The following CTNNA3 variants were observed in gnomAD, a reference collection of about 807,000 sequenced individuals.
CTNNA3 encodes the protein catenin alpha-3.
In CTNNA3, 76 loss-of-function variants were observed where a neutral mutation model predicts 95.7. That is an observed-to-expected ratio of 0.79 (90% CI 0.66 to 0.96). The LOEUF (loss-of-function observed/expected upper bound fraction) is 0.96, where lower values mean the gene tolerates loss of function less well. Ranked by LOEUF, CTNNA3 falls within the 40% of genes least tolerant of loss-of-function variation. The pLI is 0.00. For missense variants in CTNNA3, 1,191 were observed against 1,089.8 expected, an observed-to-expected ratio of 1.09 and a Z score of -1.31; for synonymous variants, 431 against 374.4, an observed-to-expected ratio of 1.15 and a Z score of -1.74.
chr10:67,522,032 C>A lies in CTNNA3; in HGVS notation c.460-71G>T. ...TTCTCAAATTCTCAACTTGCTAACA[C>A]GAAGAGTCGATAATGAGCCTCAGTT... On this transcript the variant is annotated intron_variant, in intron 4 of 17. Coordinates refer to ENST00000433211, the MANE Select transcript of CTNNA3 (RefSeq NM_013266.4). 4 of 1,483,782 alleles carry A rather than the reference C, an allele frequency of 2.7e-6. No homozygotes were observed. In the South Asian group the frequency reaches 5.0e-5, roughly 19 times the overall value. 91.9% of individuals were successfully genotyped at this position (1,483,782 alleles called of 1,614,324 possible).
In CTNNA3 at chr10:66,279,669, T is replaced by A. The variant is rs1375251140; in HGVS notation, c.1884+801A>T. Among the ~76,000 whole-genome samples, 5 of 152,030 alleles carry A rather than the reference T, an allele frequency of 3.3e-5. No homozygotes were observed. The East Asian group carries it at 7.7e-4, about 24-fold the overall frequency. On this transcript the variant is annotated intron_variant, in intron 13 of 17. Transcript: ENST00000433211. Reference sequence around the variant, plus strand: ...GCCTGCAGTGACCCATAATTACACCTTCTTGGTTTTCTTCCCCTCTCTGCC... The same window carrying A: ...GCCTGCAGTGACCCATAATTACACCATCTTGGTTTTCTTCCCCTCTCTGCC...
At chr10:66,304,146 A>T (rs543713774) in intron 12 of CTNNA3, among the ~76,000 whole-genome samples, 108 of 152,252 alleles carry the variant, frequency 7.1e-4, no homozygotes, top group Non-Finnish European at 1.4e-3. Flanking sequence ...TATTGGGGGG[A>T]AGAAGCTCAA....
intron 6 of CTNNA3, among the ~76,000 whole-genome samples, chr10:67,207,988 G>A (rs1450305119): frequency 6.6e-6 from 1 of 152,102 alleles, no homozygotes; most frequent in Non-Finnish European, 1.5e-5. Flanking sequence ...AACAGAATTA[G>A]AGTCCCCAAA....
intron 13 of CTNNA3, among the ~76,000 whole-genome samples, chr10:66,161,120 C>T (rs186531535): frequency 5.3e-5 from 8 of 152,206 alleles, no homozygotes; most frequent in Middle Eastern, 3.4e-3. Flanking sequence ...CTGGTGAGTC[C>T]TCATGCATTC....
chr10:67,646,190 T>C (rs1418489966), intron 2 of CTNNA3, among the ~76,000 whole-genome samples: 1 of 150,542 alleles, frequency 6.6e-6, no homozygotes, highest in Admixed American at 6.6e-5. Context: ...TTCTTTCTTT[T>C]TTTTTTTTTT....
At chr10:66,075,600 G>C (rs2080535472) in intron 14 of CTNNA3, among the ~76,000 whole-genome samples, 1 of 151,792 alleles carries the variant, frequency 6.6e-6, no homozygotes, top group African/African-American at 2.4e-5. Context: ...ACAGAGCCTA[G>C]GCAAGAACCA....
At chr10:67,726,258 G>C (rs1214068440) in intron 1 of CTNNA3, among the ~76,000 whole-genome samples, 1 of 68,036 alleles carries the variant, frequency 1.5e-5, no homozygotes, top group Non-Finnish European at 2.3e-5. Flanking sequence ...ATATAATATT[G>C]TATTACATAT....
intron 13 of CTNNA3, among the ~76,000 whole-genome samples, chr10:66,114,886 A>G (rs2082263641): frequency 6.6e-6 from 1 of 151,996 alleles, no homozygotes; most frequent in African/African-American, 2.4e-5. Context: ...CTCAAAAAAA[A>G]AAAGAAAAAG....
intron 7 of CTNNA3, among the ~76,000 whole-genome samples, chr10:66,883,856 T>A (rs6480237): frequency 1.3e-5 from 2 of 151,946 alleles, no homozygotes. Flanking sequence ...ATGTAAGATA[T>A]GGTGGTGTCT....
chr10:66,911,654 T>A (rs1447937466), intron 7 of CTNNA3, among the ~76,000 whole-genome samples: 1 of 152,192 alleles, frequency 6.6e-6, no homozygotes, highest in African/African-American at 2.4e-5. Flanking sequence ...AACCAGTTAC[T>A]TCATCTCTCT....
chr10:65,967,038 C>A (rs758994728), intron 16 of CTNNA3, among the ~76,000 whole-genome samples: 1 of 152,106 alleles, frequency 6.6e-6, no homozygotes, highest in South Asian at 2.1e-4. Context: ...CTCACTGCAA[C>A]CTCTGCCTCC....
intron 7 of CTNNA3, among the ~76,000 whole-genome samples, chr10:67,107,264 T>C (rs967251636): frequency 2.0e-5 from 3 of 152,260 alleles, no homozygotes; most frequent in African/African-American, 7.2e-5. Flanking sequence ...TTAAATCTCT[T>C]GGCCTTTCTA....
chr10:67,346,268 C>T lies in CTNNA3; in HGVS notation c.580-126398G>A, dbSNP rs536932256. Among the ~76,000 whole-genome samples the T allele has an allele frequency of 4.6e-5, 7 of 152,268 alleles. No individual in the cohort carries two copies. The East Asian group carries it at 1.2e-3, about 25-fold the overall frequency. ...CCACTTAAGAGTAGTTTATGCACCA[C>T]AATTACAGTGTTATAATATTATGTG... On this transcript the variant is annotated intron_variant, in intron 5 of 17. Transcript: ENST00000433211.
At chr10:67,377,392 C>G (rs1349529478) in intron 5 of CTNNA3, among the ~76,000 whole-genome samples, 1 of 152,132 alleles carries the variant, frequency 6.6e-6, no homozygotes, top group East Asian at 1.9e-4. Flanking sequence ...TCTCCTAGGT[C>G]TTTTCAGTTT....
At chr10:67,622,480 TCA>T (rs1477804843) in intron 2 of CTNNA3, among the ~76,000 whole-genome samples, 2 of 151,960 alleles carry the variant, frequency 1.3e-5, no homozygotes, top group Admixed American at 6.6e-5. Context: ...GTGAAGAAAA[TCA>T]CAGTCTAATA....
intron 11 of CTNNA3, among the ~76,000 whole-genome samples, chr10:66,509,892 G>T (rs578135471): frequency 6.6e-6 from 1 of 151,976 alleles, no homozygotes; most frequent in African/African-American, 2.4e-5. Flanking sequence ...GGGGTCATTT[G>T]TGGTTCCAGA....
intron 4 of CTNNA3, among the ~76,000 whole-genome samples, chr10:67,535,932 G>A (rs1033213821): frequency 6.6e-6 from 1 of 152,070 alleles, no homozygotes; most frequent in African/African-American, 2.4e-5. Context: ...ATCAAAAATA[G>A]CCATTCACAT....
At chr10:65,938,649 T>C (rs1355273762) in intron 17 of CTNNA3, among the ~76,000 whole-genome samples, 2 of 152,152 alleles carry the variant, frequency 1.3e-5, no homozygotes, top group Non-Finnish European at 2.9e-5. Context: ...TATCCACACC[T>C]TTGAGTTCTA....
At chr10:66,105,953 T>A (rs1205639107) in intron 13 of CTNNA3, among the ~76,000 whole-genome samples, 1 of 151,946 alleles carries the variant, frequency 6.6e-6, no homozygotes, top group Non-Finnish European at 1.5e-5. Flanking sequence ...AAACAGCAAA[T>A]ATCCCAGCAC....
Sources: gnomAD v4.1 joint callset for allele counts (sites outside exome capture counted in the v4.1 genomes callset) on GRCh38, gnomAD v4.1.1 for gene constraint, MANE v1.5 for transcripts, NCBI Gene and HGNC (gene_info 2026-07-23, HGNC 2026-07-21) for gene names.